The following PCLO variants were observed in gnomAD, a reference collection of about 807,000 sequenced individuals.
The protein encoded by PCLO is protein piccolo.
In PCLO, 82 loss-of-function variants were observed where a neutral mutation model predicts 427.5. That is an observed-to-expected ratio of 0.19 (90% CI 0.16 to 0.23). The LOEUF (loss-of-function observed/expected upper bound fraction) is 0.23. PCLO is among the 10% of genes least tolerant of loss of function. The pLI is 1.00. For synonymous variants in PCLO, 2,357 were observed against 2,155.4 expected (o/e 1.09, Z -2.59); for missense variants, 6,239 against 6,115.9 (o/e 1.02, Z -0.67).
intron 3 of PCLO, among the ~76,000 whole-genome samples, chr7:82,995,312 A>G (rs1796470630): frequency 6.6e-6 from 1 of 152,028 alleles, no homozygotes. Flanking sequence ...GAGCTGCACC[A>G]TAGAAACCAA....
chr7:82,835,420 AT>A (rs939924294), intron 16 of PCLO, among the ~76,000 whole-genome samples: 4 of 151,968 alleles, frequency 2.6e-5, no homozygotes, highest in South Asian at 2.1e-4. Context: ...TGGTAATAAT[AT>A]TTTTTTCATT....
intron 3 of PCLO, among the ~76,000 whole-genome samples, chr7:83,074,215 C>T (rs914310366): frequency 6.6e-6 from 1 of 151,902 alleles, no homozygotes; most frequent in Admixed American, 6.6e-5. Context: ...TTACAAGGTT[C>T]ATTCAGGCCA....
intron 10 of PCLO, among the ~76,000 whole-genome samples, chr7:82,871,535 T>A (rs1030022752): frequency 1.3e-5 from 2 of 151,884 alleles, no homozygotes; most frequent in Non-Finnish European, 2.9e-5. Flanking sequence ...TAGAGTTTGA[T>A]AGCACAAAGG....
At chr7:82,845,223 A>G (rs773809138) in intron 13 of PCLO, 48 bp downstream of exon 13, 1 of 1,256,154 alleles carries the variant, frequency 8.0e-7, no homozygotes, top group East Asian at 2.3e-5. Flanking sequence ...TATGCTGAAT[A>G]AAGAGCTAGA....
chr7:83,134,377 G>A lies in PCLO; in HGVS notation c.3173C>T (p.Thr1058Ile). 1.2e-6 allele frequency: 2 copies of A among 1,613,758 alleles called. No homozygotes were observed. The highest frequency in any genetic ancestry group is 1.7e-6 in the Non-Finnish European group (2 of 1,179,834). Residue 1058 changes from threonine (T) to isoleucine (I), a missense_variant, in exon 3 of 25, where the codon ACC becomes ATC. By Grantham distance (89) the Thr-to-Ile change is moderately conservative (BLOSUM62 -1). Transcript: ENST00000333891. ...KLEKSPKPES[T>I]CPLCKTELNI... ...GAGTTCAGTTTTGCAGAGAGGACAG[G>A]TTGATTCTGGTTTGGGCGATTTCTC... is the stretch of plus-strand genomic sequence containing the variant.
intron 3 of PCLO, among the ~76,000 whole-genome samples, chr7:83,066,976 C>T (rs960700450): frequency 6.6e-6 from 1 of 152,110 alleles, no homozygotes; most frequent in Non-Finnish European, 1.5e-5. Context: ...CATGACACTG[C>T]AAGTGAAAAA....
rs1795534202 is a variant in PCLO at position 82,956,760 on chromosome 7, G to A, written c.4193C>T (p.Ser1398Leu). Reference protein sequence around the residue: ...ILKGLKKDSFSQESSPSSPSD... With the variant: ...ILKGLKKDSFLQESSPSSPSD... Reference sequence around the variant, plus strand: ...GGGGCTGGAAGGGCTGCTTTCTTGTGAAAAAGAGTCCTTTTTGAGTCCCTT... The same window carrying A: ...GGGGCTGGAAGGGCTGCTTTCTTGTAAAAAAGAGTCCTTTTTGAGTCCCTT... Residue 1398 changes from serine to leucine, a missense_variant, in exon 5 of 25, where the codon TCA becomes TTA. By Grantham distance (145) the Ser-to-Leu change is moderately radical. This residue lies in a region of PCLO where 4,677 missense variants were observed against 4,468.4 expected (regional missense o/e 1.05). Transcript: ENST00000333891. 1.2e-6 allele frequency: 2 copies of A among 1,613,674 alleles called. No homozygotes were observed. The highest frequency in any genetic ancestry group is 2.7e-5 in the African/African-American group (2 of 74,916).
chr7:82,954,579 A>G lies in PCLO; in HGVS notation c.6374T>C (p.Leu2125Pro), dbSNP rs971806074. Residue 2125 changes from leucine (L) to proline (P), a missense_variant, in exon 5 of 25, where the codon CTC becomes CCC. Physicochemically the swap from Leu to Pro is moderately conservative, Grantham distance 98. Coordinates refer to ENST00000333891, the MANE Select transcript of PCLO (RefSeq NM_033026.6). ...GGTTATTTTAACATCTGGGATAGAG[A>G]GTGTTGCACTGCTGGTCGAATCTGT... ...SLTDSTSSAT[L>P]SIPDVKITQH... is the part of the protein sequence containing the mutation. 1.5e-5 allele frequency: 24 copies of G among 1,613,750 alleles called. No individual in the cohort carries two copies. The highest frequency in any genetic ancestry group is 1.9e-5 in the Non-Finnish European group (22 of 1,179,852).
chr7:82,850,789 T>C (rs1191212838), intron 10 of PCLO, among the ~76,000 whole-genome samples: 1 of 152,154 alleles, frequency 6.6e-6, no homozygotes, highest in Non-Finnish European at 1.5e-5. Context: ...ATGTCTAACA[T>C]TTTATGGTGT....
At chr7:82,828,270 A>C (rs1792002668) in intron 16 of PCLO, among the ~76,000 whole-genome samples, 1 of 152,120 alleles carries the variant, frequency 6.6e-6, no homozygotes, top group East Asian at 1.9e-4. Context: ...AGATAATTAC[A>C]TGAACTAAAT....
chr7:82,958,805 C>T (rs1388420580), intron 4 of PCLO, among the ~76,000 whole-genome samples: 2 of 152,122 alleles, frequency 1.3e-5, no homozygotes, highest in Non-Finnish European at 1.5e-5. Context: ...CTAATAAATG[C>T]TTTCTGGATG....
intron 6 of PCLO, among the ~76,000 whole-genome samples, chr7:82,943,329 T>C (rs1795126464): frequency 6.6e-6 from 1 of 152,164 alleles, no homozygotes; most frequent in Non-Finnish European, 1.5e-5. Context: ...CTTCAACAAT[T>C]AATAGCCTAT....
chr7:82,922,127 C>T (rs2116301307), intron 6 of PCLO, among the ~76,000 whole-genome samples: 1 of 152,006 alleles, frequency 6.6e-6, no homozygotes, highest in African/African-American at 2.4e-5. Flanking sequence ...AATGCTTAAA[C>T]ACTCCTGGTG....
intron 3 of PCLO, among the ~76,000 whole-genome samples, chr7:83,064,492 T>A (rs1480550968): frequency 6.6e-6 from 1 of 152,006 alleles, no homozygotes; most frequent in African/African-American, 2.4e-5. Context: ...GAACACAGCA[T>A]CTCACCACAC....
At chr7:83,051,595 C>T (rs1072114) in intron 3 of PCLO, among the ~76,000 whole-genome samples, 118,044 of 152,078 alleles carry the variant, frequency 0.78, 46,669 homozygotes, top group African/African-American at 0.92. Flanking sequence ...AATTCATGGA[C>T]AGAAAGACAT....
chr7:83,059,123 T>C (rs918396040), intron 3 of PCLO, among the ~76,000 whole-genome samples: 1 of 150,424 alleles, frequency 6.6e-6, no homozygotes, highest in African/African-American at 2.4e-5. Context: ...ATATGAGATA[T>C]AGTATATACT....
In PCLO at chr7:82,950,868, C is replaced by T; in HGVS notation, c.9720G>A (p.Gln3240=). 5 of 1,613,540 alleles carry T rather than the reference C, an allele frequency of 3.1e-6. No homozygotes were observed. Among genetic ancestry groups the T allele is most frequent in the South Asian group, 1.1e-5 (1 of 91,088 alleles). ...CTTGTTCTCGGAACCTTTGAATTTC[C>T]TGACGTTCCCACTCCAATTCCTCAG... The part of the protein sequence containing the change: ...RFAEELEWER[Q]EIQRFREQEK... Residue 3240 remains glutamine (Q), a synonymous_variant, in exon 6 of 25, where the codon CAG becomes CAA. Coordinates refer to ENST00000333891, the MANE Select transcript of PCLO (RefSeq NM_033026.6).
intron 3 of PCLO, among the ~76,000 whole-genome samples, chr7:83,071,973 A>G (rs1789827884): frequency 6.6e-6 from 1 of 152,264 alleles, no homozygotes; most frequent in East Asian, 1.9e-4. Flanking sequence ...TAATTCACTT[A>G]TTCTCTGCTG....
intron 3 of PCLO, among the ~76,000 whole-genome samples, chr7:82,976,710 A>G (rs1231504400): frequency 6.6e-6 from 1 of 152,118 alleles, no homozygotes; most frequent in African/African-American, 2.4e-5. Flanking sequence ...TCAAAGGTTT[A>G]GTTTCTAAAA....
Sources: allele counts gnomAD v4.1 joint callset (sites outside exome capture counted in the v4.1 genomes callset), GRCh38; gene constraint gnomAD v4.1.1; regional missense constraint gnomAD v4.1.1; transcripts MANE v1.5; gene names NCBI Gene and HGNC (gene_info 2026-07-23, HGNC 2026-07-21).